Variants in LHFPL1 observed in about 807,000 individuals in gnomAD.
The protein encoded by LHFPL1 is LHFPL tetraspan subfamily member 1 protein.
A neutral mutation model predicts 12.1 loss-of-function variants in LHFPL1; 4 were observed. The observed-to-expected ratio is 0.33, with a 90% CI of 0.16 to 0.76. The LOEUF (loss-of-function observed/expected upper bound fraction) is 0.76. Ranked by LOEUF, LHFPL1 falls within the 30% of genes least tolerant of loss-of-function variation. LHFPL1 has a pLI of 0.61. For missense variants in LHFPL1, 141 were observed against 174.1 expected (o/e 0.81, Z 1.07); for synonymous variants, 52 against 61.9 (o/e 0.84, Z 0.75).
chrX:112,650,035 C>G (rs1425949861), intron 3 of LHFPL1, among the ~76,000 whole-genome samples: 1 of 109,809 alleles, frequency 9.1e-6, no homozygotes, highest in Non-Finnish European at 1.9e-5. Context: ...TTTGGGTGTC[C>G]CCTGTCTATA....
Position 112,673,238 on chromosome X carries a change from G to A in LHFPL1, c.-14-1834C>T, listed in dbSNP as rs748344657. Among the ~76,000 whole-genome samples the A allele has an allele frequency of 5.4e-5, 6 of 111,802 alleles. No homozygotes were observed. The East Asian group carries it at 8.5e-4, about 16-fold the overall frequency. ...TTTGTGCAGGAAGGGAGCAGAGATC[G>A]TAAATTGCAGGTGCTTACTCTGGAA... On this transcript the variant is annotated intron_variant, in intron 1 of 3. Coordinates refer to ENST00000371968, the MANE Select transcript of LHFPL1 (RefSeq NM_178175.4).
chrX:112,654,344 T>C (rs1166560184), intron 3 of LHFPL1, among the ~76,000 whole-genome samples: 1 of 111,245 alleles, frequency 9.0e-6, no homozygotes, highest in Admixed American at 9.6e-5. Flanking sequence ...GACAAAAATC[T>C]ATGCCCTCAC....
intron 3 of LHFPL1, among the ~76,000 whole-genome samples, chrX:112,638,282 T>G (rs1301782250): frequency 9.0e-6 from 1 of 111,387 alleles, no homozygotes; most frequent in East Asian, 2.8e-4. Flanking sequence ...GAACCTAAAA[T>G]GGGAACCTGC....
intron 3 of LHFPL1, among the ~76,000 whole-genome samples, chrX:112,645,676 A>G (rs982755051): frequency 8.9e-6 from 1 of 111,882 alleles, no homozygotes; most frequent in Non-Finnish European, 1.9e-5. Flanking sequence ...CTTGATGAAG[A>G]ATAGCATCAA....
intron 3 of LHFPL1, among the ~76,000 whole-genome samples, chrX:112,657,566 C>G (rs1931042803): frequency 8.9e-6 from 1 of 112,041 alleles, no homozygotes; most frequent in African/African-American, 3.2e-5. Flanking sequence ...CAGTGTGGTA[C>G]TGGCATAGGA....
chrX:112,645,220 G>C (rs1243795353), intron 3 of LHFPL1, among the ~76,000 whole-genome samples: 11 of 112,047 alleles, frequency 9.8e-5, no homozygotes, highest in Non-Finnish European at 1.5e-4. Context: ...TTAACCCTAC[G>C]GAGAGAAATA....
At chrX:112,643,772 T>C (rs1472161652) in intron 3 of LHFPL1, among the ~76,000 whole-genome samples, 1 of 111,565 alleles carries the variant, frequency 9.0e-6, no homozygotes, top group Non-Finnish European at 1.9e-5. Flanking sequence ...TCTATGGTGA[T>C]ACAGTCAGAT....
chrX:112,640,950 A>G (rs1217447678), intron 3 of LHFPL1, among the ~76,000 whole-genome samples: 1 of 111,791 alleles, frequency 8.9e-6, no homozygotes, highest in Non-Finnish European at 1.9e-5. Context: ...GTGAATGTTC[A>G]GAATATGCTT....
chrX:112,670,548 G>A (rs573879442), intron 2 of LHFPL1, among the ~76,000 whole-genome samples: 1 of 112,414 alleles, frequency 8.9e-6, no homozygotes, highest in African/African-American at 3.2e-5. Flanking sequence ...ACTATTAGAG[G>A]TGTATTTCTT....
intron 2 of LHFPL1, 117 bp downstream of exon 2, chrX:112,670,892 C>G: frequency 2.5e-6 from 2 of 808,280 alleles, no homozygotes; most frequent in Non-Finnish European, 3.5e-6. Context: ...TCATTCATAG[C>G]CTTAGAGTTG....
At chrX:112,650,042 T>C (rs770678977) in intron 3 of LHFPL1, among the ~76,000 whole-genome samples, 1 of 111,170 alleles carries the variant, frequency 9.0e-6, no homozygotes, top group East Asian at 2.8e-4. Context: ...GTCCCCTGTC[T>C]ATATGCCATT....
chrX:112,645,699 C>T (rs1349439854), intron 3 of LHFPL1, among the ~76,000 whole-genome samples: 1 of 111,922 alleles, frequency 8.9e-6, no homozygotes, highest in African/African-American at 3.3e-5. Context: ...TAGAATTGGA[C>T]TTCTCAAGAA....
chrX:112,651,147 T>G (rs1331802829), intron 3 of LHFPL1, among the ~76,000 whole-genome samples: 2 of 112,097 alleles, frequency 1.8e-5, no homozygotes, highest in East Asian at 5.6e-4. Context: ...AATTTCCCAT[T>G]ACTTAGACTG....
At chrX:112,661,596 T>C (rs926482996) in intron 2 of LHFPL1, 1 of 111,941 alleles carries the variant, frequency 8.9e-6, no homozygotes, top group East Asian at 2.8e-4. Flanking sequence ...TAGCCTGGCA[T>C]GAAGAGGTGA....
chrX:112,660,767 CT>C (rs1931162621), intron 2 of LHFPL1, 42 bp from the exon 3 acceptor site: 1 of 915,262 alleles, frequency 1.1e-6, no homozygotes, highest in African/African-American at 2.0e-5. Context: ...AATATAACGT[CT>C]TCTGTCACCC....
chrX:112,658,464 C>A (rs1259480327), intron 3 of LHFPL1, among the ~76,000 whole-genome samples: 16 of 105,324 alleles, frequency 1.5e-4, no homozygotes, highest in Middle Eastern at 4.8e-3. Flanking sequence ...AAAAAAAAAA[C>A]CAAGCAAATG....
intron 2 of LHFPL1, among the ~76,000 whole-genome samples, chrX:112,670,480 G>A (rs1178005024): frequency 1.8e-5 from 2 of 112,532 alleles, no homozygotes; most frequent in Non-Finnish European, 1.9e-5. Context: ...GACAGGGCTA[G>A]CCTTAGATGT....
At chrX:112,672,906 T>C in intron 1 of LHFPL1, among the ~76,000 whole-genome samples, 1 of 111,977 alleles carries the variant, frequency 8.9e-6, no homozygotes, top group Non-Finnish European at 1.9e-5. Context: ...ATGGGAGAAT[T>C]TTGCCCAGTA....
chrX:112,675,338 G>A (rs1477041942), intron 1 of LHFPL1, among the ~76,000 whole-genome samples: 1 of 110,919 alleles, frequency 9.0e-6, no homozygotes, highest in Admixed American at 9.6e-5. Context: ...GCAGAGGAAC[G>A]GACTATCTCT....
Sources: allele counts gnomAD v4.1 joint callset (sites outside exome capture counted in the v4.1 genomes callset), GRCh38; gene constraint gnomAD v4.1.1; transcripts MANE v1.5; gene names NCBI Gene and HGNC (gene_info 2026-07-23, HGNC 2026-07-21).